Variants in ADAMTSL1 observed in about 807,000 individuals in gnomAD.
The protein encoded by ADAMTSL1 is ADAMTS-like protein 1.
A neutral mutation model predicts 201.8 loss-of-function variants in ADAMTSL1; 126 were observed. The observed-to-expected ratio is 0.62, with a 90% CI of 0.54 to 0.72. The LOEUF (loss-of-function observed/expected upper bound fraction) is 0.72, where lower values mean the gene tolerates loss of function less well. Among genes scored for constraint, ADAMTSL1 ranks in the 30% least tolerant of loss-of-function variants. The pLI is 0.00. For synonymous variants in ADAMTSL1, 1,121 were observed against 903.4 expected (o/e 1.24, Z -4.32); for missense variants, 2,679 against 2,277.8 (o/e 1.18, Z -3.59).
chr9:17,993,498 A>G (rs1369979973), intron 1 of ADAMTSL1, among the ~76,000 whole-genome samples: 5 of 152,114 alleles, frequency 3.3e-5, no homozygotes, highest in Admixed American at 3.3e-4. Context: ...TGGCTATTGG[A>G]AATGTGTTTA....
chr9:18,042,473 G>T lies in ADAMTSL1; in HGVS notation c.88-121389G>T, dbSNP rs371715836. ...AAGATCTAGTTGTTTTCTAGATGAAGACATGAGGGGTTGAGAAGTCAAGTA... is the reference window on the plus strand; with the variant it reads ...AAGATCTAGTTGTTTTCTAGATGAATACATGAGGGGTTGAGAAGTCAAGTA... On this transcript the variant is annotated intron_variant, in intron 1 of 29. Coordinates refer to the ADAMTSL1 transcript ENST00000680146. 2.0e-5 allele frequency among the ~76,000 whole-genome samples: 3 copies of T among 152,020 alleles called. No individual in the cohort carries two copies. The East Asian group carries it at 5.8e-4, about 29-fold the overall frequency.
At chr9:18,358,516 C>T (rs930698008) in intron 2 of ADAMTSL1, among the ~76,000 whole-genome samples, 2 of 152,152 alleles carry the variant, frequency 1.3e-5, no homozygotes, top group Non-Finnish European at 2.9e-5. Flanking sequence ...CATTAAGCAG[C>T]AGTCACTCTC....
At chr9:18,479,999 C>T (rs907355133) in intron 1 of ADAMTSL1, among the ~76,000 whole-genome samples, 3 of 152,156 alleles carry the variant, frequency 2.0e-5, no homozygotes, top group African/African-American at 7.2e-5. Flanking sequence ...CAACAATTAA[C>T]CCCTTTTGCT....
At chr9:18,355,226 T>C (rs1240055618) in intron 2 of ADAMTSL1, among the ~76,000 whole-genome samples, 1 of 152,190 alleles carries the variant, frequency 6.6e-6, no homozygotes, top group Non-Finnish European at 1.5e-5. Flanking sequence ...TACTATAAAA[T>C]GAACCAATAC....
chr9:18,590,531 T>A lies in ADAMTSL1; in HGVS notation c.474+16265T>A, dbSNP rs180871130. Among the ~76,000 whole-genome samples, 1,230 of 152,220 alleles carry A rather than the reference T, an allele frequency of 8.1e-3. 21 individuals carry two copies. The highest frequency in any genetic ancestry group is 0.028 in the African/African-American group (1,184 of 41,588). ...AATTTCATTTATTTCTGCTCACATCTTCAGTATTTATTTTCTGCTACTAAT... is the reference window on the plus strand; with the variant it reads ...AATTTCATTTATTTCTGCTCACATCATCAGTATTTATTTTCTGCTACTAAT... On this transcript the variant is annotated intron_variant, in intron 4 of 28. Coordinates refer to ENST00000380548, the MANE Select transcript of ADAMTSL1 (RefSeq NM_001040272.6).
intron 2 of ADAMTSL1, among the ~76,000 whole-genome samples, chr9:18,507,850 C>T (rs1490703172): frequency 6.6e-6 from 1 of 152,122 alleles, no homozygotes; most frequent in Non-Finnish European, 1.5e-5. Flanking sequence ...GACCCATTTA[C>T]CCAGGGGAGA....
rs1035428397 is a variant in ADAMTSL1, at chr9:18,795,321, C to T, written c.3678-76C>T. The T allele has an allele frequency of 6.3e-6, 10 of 1,585,558 alleles. No individual in the cohort carries two copies. In the African/African-American group the frequency reaches 1.1e-4, roughly 17 times the overall value. On this transcript the variant is annotated intron_variant, in intron 19 of 28. Coordinates refer to ENST00000380548, the MANE Select transcript of ADAMTSL1 (RefSeq NM_001040272.6). The stretch of plus-strand genomic sequence containing the variant: ...TCTGCATACACCCTGAGGTTCCTTC[C>T]TGCCTTACCAATATTGAATGCCAAA...
intron 4 of ADAMTSL1, among the ~76,000 whole-genome samples, chr9:18,586,733 G>A (rs768840783): frequency 6.6e-6 from 1 of 152,104 alleles, no homozygotes; most frequent in Non-Finnish European, 1.5e-5. Context: ...GCATGGTACT[G>A]GTTCAAGAAC....
intron 2 of ADAMTSL1, among the ~76,000 whole-genome samples, chr9:18,291,720 C>T (rs1372339597): frequency 0.013 from 1,281 of 101,420 alleles, 11 homozygotes; most frequent in Middle Eastern, 0.029. Context: ...CTCTCTTTCT[C>T]TCTCTCTCTC....
At chr9:18,280,684 A>G (rs1832749799) in intron 2 of ADAMTSL1, among the ~76,000 whole-genome samples, 1 of 152,162 alleles carries the variant, frequency 6.6e-6, no homozygotes, top group South Asian at 2.1e-4. Context: ...ATAAATTTTA[A>G]AATTTCCTTG....
intron 17 of ADAMTSL1, among the ~76,000 whole-genome samples, 154 bp from the exon 18 acceptor site, chr9:18,775,589 T>C (rs1820927613): frequency 6.6e-6 from 1 of 152,216 alleles, no homozygotes; most frequent in Non-Finnish European, 1.5e-5. Flanking sequence ...TGGGCAGGTC[T>C]TCCACATTGT....
chr9:17,950,104 G>A lies in ADAMTSL1; in HGVS notation c.87+43182G>A, dbSNP rs1279196574. Reference sequence around the variant, plus strand: ...CAGCTTATTTTTTGTATTTTAAGTAGAGATGGGGTTTTACCATGTCTCGAA... The same window carrying A: ...CAGCTTATTTTTTGTATTTTAAGTAAAGATGGGGTTTTACCATGTCTCGAA... On this transcript the variant is annotated intron_variant, in intron 1 of 29. Transcript: ENST00000680146. Among the ~76,000 whole-genome samples the A allele has an allele frequency of 3.3e-5, 5 of 152,018 alleles. 1 individual carries two copies. Among genetic ancestry groups the A allele is most frequent in the Admixed American group, 3.3e-4 (5 of 15,254 alleles).
intron 4 of ADAMTSL1, among the ~76,000 whole-genome samples, chr9:18,617,650 A>C (rs769209788): frequency 1.3e-5 from 2 of 152,200 alleles, no homozygotes; most frequent in African/African-American, 4.8e-5. Context: ...ATATATGTAT[A>C]TAAGAGAGGG....
chr9:18,388,195 TC>T (rs1837883220), intron 2 of ADAMTSL1, among the ~76,000 whole-genome samples: 1 of 152,188 alleles, frequency 6.6e-6, no homozygotes, highest in South Asian at 2.1e-4. Flanking sequence ...TTATTTTTTT[TC>T]TATTTCATAA....
At chr9:17,924,810 C>T (rs1485807979) in intron 1 of ADAMTSL1, among the ~76,000 whole-genome samples, 6 of 77,052 alleles carry the variant, frequency 7.8e-5, no homozygotes, top group South Asian at 5.1e-4. Context: ...ACTTCATGTC[C>T]AAAACACCAA....
intron 2 of ADAMTSL1, among the ~76,000 whole-genome samples, chr9:18,273,730 C>T (rs566592110): frequency 2.0e-5 from 3 of 152,282 alleles, no homozygotes; most frequent in Admixed American, 2.0e-4. Context: ...CAATGCCAAC[C>T]ATGTGGTCAA....
chr9:18,563,886 C>T (rs1227370313), intron 3 of ADAMTSL1, among the ~76,000 whole-genome samples: 3 of 152,162 alleles, frequency 2.0e-5, no homozygotes, highest in African/African-American at 4.8e-5. Flanking sequence ...CATTTCAGGT[C>T]GACTTCAGAC....
chr9:18,540,137 T>C (rs1820034490), intron 3 of ADAMTSL1, among the ~76,000 whole-genome samples: 1 of 152,038 alleles, frequency 6.6e-6, no homozygotes, highest in African/African-American at 2.4e-5. Flanking sequence ...TTCTGAAAAA[T>C]GGAAGTAGAG....
At chr9:18,640,539 A>G (rs1827374596) in intron 7 of ADAMTSL1, among the ~76,000 whole-genome samples, 1 of 152,168 alleles carries the variant, frequency 6.6e-6, no homozygotes, top group African/African-American at 2.4e-5. Flanking sequence ...AGCATTGTCA[A>G]ATGTGTTACA....
Sources: allele counts gnomAD v4.1 joint callset (sites outside exome capture counted in the v4.1 genomes callset), GRCh38; gene constraint gnomAD v4.1.1; transcripts MANE v1.5; gene names NCBI Gene and HGNC (gene_info 2026-07-23, HGNC 2026-07-21).